Variants in SPAG1 observed in about 807,000 individuals in gnomAD.
SPAG1 encodes the protein sperm-associated antigen 1.
A neutral mutation model predicts 100.5 loss-of-function variants in SPAG1; 69 were observed. The ratio of observed to expected loss-of-function variants is 0.69; its 90% CI spans 0.57 to 0.84. The LOEUF (loss-of-function observed/expected upper bound fraction) is 0.84, where lower values mean the gene tolerates loss of function less well. SPAG1 is among the 40% of genes least tolerant of loss of function. The pLI is 0.00. For missense variants in SPAG1, 955 were observed against 1,133.1 expected, an observed-to-expected ratio of 0.84 and a Z score of 2.26; for synonymous variants, 336 against 411.6, an observed-to-expected ratio of 0.82 and a Z score of 2.22.
At chr8:100,182,366 G>C (rs1348292462) in intron 4 of SPAG1, among the ~76,000 whole-genome samples, 1 of 152,200 alleles carries the variant, frequency 6.6e-6, no homozygotes, top group Non-Finnish European at 1.5e-5. Context: ...GTCCTTCCTT[G>C]GAATTTCTCT....
In SPAG1 at chr8:100,235,258, G is replaced by A. The variant is rs138567491; in HGVS notation, c.2115+1721G>A. On this transcript the variant is annotated intron_variant, in intron 16 of 18. Transcript: ENST00000388798. The stretch of plus-strand genomic sequence containing the variant: ...GACACAGTCATCTTGGACTAGGTAG[G>A]GCCTACTGATTTTAACTTGATTACC... 1.9e-3 allele frequency among the ~76,000 whole-genome samples: 289 copies of A among 152,118 alleles called. 1 individual carries two copies. Among genetic ancestry groups the A allele is most frequent in the African/African-American group, 6.7e-3 (279 of 41,490 alleles).
At chr8:100,170,895 G>A (rs1189510219) in intron 3 of SPAG1, among the ~76,000 whole-genome samples, 1 of 151,672 alleles carries the variant, frequency 6.6e-6, no homozygotes, top group Non-Finnish European at 1.5e-5. Context: ...CAGTTCAGCA[G>A]AAGTGGTAAG....
intron 10 of SPAG1, among the ~76,000 whole-genome samples, chr8:100,204,267 A>G (rs140273125): frequency 3.5e-3 from 527 of 152,302 alleles, no homozygotes; most frequent in Middle Eastern, 6.8e-3. Flanking sequence ...AAGTCCTGCC[A>G]GGGACCTCTG....
chr8:100,172,720 C>T (rs868536908), intron 3 of SPAG1, among the ~76,000 whole-genome samples: 9 of 151,564 alleles, frequency 5.9e-5, no homozygotes, highest in African/African-American at 1.5e-4. Flanking sequence ...ATATATACCT[C>T]GCAGATGCTA....
chr8:100,234,322 G>A (rs1460610006), intron 16 of SPAG1, among the ~76,000 whole-genome samples: 1 of 151,604 alleles, frequency 6.6e-6, no homozygotes, highest in East Asian at 1.9e-4. Flanking sequence ...TATCCCAATC[G>A]AGATAAAGAA....
chr8:100,187,067 AT>A (rs956018834), intron 7 of SPAG1, 52 bp from the exon 8 acceptor site: 2 of 1,551,280 alleles, frequency 1.3e-6, no homozygotes, highest in Admixed American at 2.0e-5. Flanking sequence ...ATTTCTCTAC[AT>A]TCTTATGTTT....
At chr8:100,208,431 G>A (rs1024116669) in intron 10 of SPAG1, among the ~76,000 whole-genome samples, 5 of 152,172 alleles carry the variant, frequency 3.3e-5, no homozygotes, top group Non-Finnish European at 5.9e-5. Flanking sequence ...ACCCAGCCAG[G>A]ACTACAAATG....
In SPAG1 at chr8:100,241,202, G is replaced by A. The variant is rs1487919846; in HGVS notation, c.*180G>A. 1 of 441,264 alleles carries A rather than the reference G, an allele frequency of 2.3e-6. No homozygotes were observed. The allele number at this position is 441,264 out of a possible 1,614,324, so 27.3% of individuals were successfully genotyped here. A position where few individuals can be genotyped will look rare whatever the true frequency, so the allele number is the denominator to read the frequency against. On this transcript the variant is annotated 3_prime_UTR_variant, in exon 19 of 19. Coordinates refer to ENST00000388798, the MANE Select transcript of SPAG1 (RefSeq NM_003114.5). This position sits in a 1 kb window ranked among gnomAD's most constrained non-coding sequence, Gnocchi z 5.1. ...ATATTCTACAATCTGCTTTTTATTA[G>A]TTGTAAATATTTTCTTATGTACCAG...
chr8:100,215,680 A>G (rs1304789272), intron 12 of SPAG1, among the ~76,000 whole-genome samples: 1 of 152,120 alleles, frequency 6.6e-6, no homozygotes, highest in Non-Finnish European at 1.5e-5. Flanking sequence ...GCCCGCCACC[A>G]TGCCCGGCTA....
intron 10 of SPAG1, among the ~76,000 whole-genome samples, chr8:100,201,064 A>T (rs1485896865): frequency 6.6e-6 from 1 of 151,914 alleles, no homozygotes; most frequent in African/African-American, 2.4e-5. Context: ...CCATTGTCAA[A>T]TCCAAGGTTT....
Position 100,213,179 on chromosome 8 carries a change from G to C in SPAG1, c.1186G>C (p.Gly396Arg), listed in dbSNP as rs1207375473. ...GAAGCTGACTGGCAAAGCCGAAGGC[G>C]GCAAGCGGCCGGCAAGGGGCGCGCC... ...QKKLTGKAEG[G>R]KRPARGAPQR... is the part of the protein sequence containing the mutation. The change falls in exon 11 of 19, where the codon GGC becomes CGC. Residue 396 changes from glycine to arginine, a missense_variant. Gly to Arg is a moderately radical substitution (Grantham distance 125). Coordinates refer to ENST00000388798, the MANE Select transcript of SPAG1 (RefSeq NM_003114.5). 4 of 1,472,208 alleles carry C rather than the reference G, an allele frequency of 2.7e-6. No individual in the cohort carries two copies. Among genetic ancestry groups the C allele is most frequent in the Non-Finnish European group, 3.6e-6 (4 of 1,117,826 alleles). 91.2% of individuals were successfully genotyped at this position (1,472,208 alleles called of 1,614,324 possible).
rs934225651 is a variant in SPAG1, at chr8:100,198,177, A to G, written c.1096+3909A>G. Among the ~76,000 whole-genome samples, 5 of 152,144 alleles carry G rather than the reference A, an allele frequency of 3.3e-5. No individual in the cohort carries two copies. The South Asian group carries it at 6.2e-4, about 19-fold the overall frequency. ...AATGAAAGCTAAGAAAATTAAAGTC[A>G]CTCACAAACAGAAGAATAAATATAG... On this transcript the variant is annotated intron_variant, in intron 10 of 18. Coordinates refer to ENST00000388798, the MANE Select transcript of SPAG1 (RefSeq NM_003114.5).
chr8:100,224,075 C>T (rs527492896), intron 13 of SPAG1, among the ~76,000 whole-genome samples: 8 of 152,158 alleles, frequency 5.3e-5, no homozygotes, highest in East Asian at 3.9e-4. Flanking sequence ...GTTCAAAAGA[C>T]GTAATTTTTA....
intron 10 of SPAG1, among the ~76,000 whole-genome samples, chr8:100,207,061 C>T (rs1817543586): frequency 6.6e-6 from 1 of 152,220 alleles, no homozygotes; most frequent in East Asian, 1.9e-4. Context: ...CAGATAACTG[C>T]TTTCCTCTTG....
At position 100,213,833 on chromosome 8, in the gene SPAG1, G is replaced by C; in HGVS notation, c.1450G>C (p.Asp484His). The change falls in exon 12 of 19, where the codon GAT becomes CAT. Residue 484 changes from aspartate to histidine, a missense_variant. Coordinates refer to ENST00000388798, the MANE Select transcript of SPAG1 (RefSeq NM_003114.5). Reference sequence around the variant, plus strand: ...GTGATTTTTAGGAAGTGAAATTGCAGATGATCTAAGTATCTTATATTCAAA... The same window carrying C: ...GTGATTTTTAGGAAGTGAAATTGCACATGATCTAAGTATCTTATATTCAAA... ...LLEPAGSEIA[D>H]DLSILYSNRA... is the part of the protein sequence containing the mutation. 6.3e-7 allele frequency: 1 copy of C among 1,581,394 alleles called. No homozygotes were observed. The highest frequency in any genetic ancestry group is 1.7e-5 in the Admixed American group (1 of 58,398).
chr8:100,168,505 C>T lies in SPAG1; in HGVS notation c.300+2532C>T, dbSNP rs556256566. On this transcript the variant is annotated intron_variant, in intron 3 of 18. Transcript: ENST00000388798. The stretch of plus-strand genomic sequence containing the variant: ...ACCTCCCAGACTCAAGCGATGCTCC[C>T]ACTTCAGCCTTCAGAGTAGCTGGGA... 2.7e-5 allele frequency among the ~76,000 whole-genome samples: 4 copies of T among 150,128 alleles called. No homozygotes were observed. In the East Asian group the frequency reaches 7.9e-4, roughly 30 times the overall value.
At chr8:100,178,056 G>A in intron 4 of SPAG1, 115 bp downstream of exon 4, 1 of 730,702 alleles carries the variant, frequency 1.4e-6, no homozygotes, top group Non-Finnish European at 2.1e-6. Flanking sequence ...TAGGAGAATT[G>A]GGGAGTTTGT....
intron 10 of SPAG1, among the ~76,000 whole-genome samples, chr8:100,196,953 G>A (rs1004247789): frequency 6.6e-6 from 1 of 151,278 alleles, no homozygotes; most frequent in African/African-American, 2.4e-5. Context: ...ATGGAGTCTC[G>A]CCATTTCGCC....
chr8:100,195,097 G>A lies in SPAG1; in HGVS notation c.1096+829G>A, dbSNP rs189849461. On this transcript the variant is annotated intron_variant, in intron 10 of 18. Coordinates refer to ENST00000388798, the MANE Select transcript of SPAG1 (RefSeq NM_003114.5). ...GGAGAGTGGCTTAAACCCGGGAGGC[G>A]GAGGTTGTGGTGAGCCAAGATGGTG... 1.4e-3 allele frequency among the ~76,000 whole-genome samples: 218 copies of A among 151,730 alleles called. 1 individual carries two copies. Among genetic ancestry groups the A allele is most frequent in the African/African-American group, 4.9e-3 (203 of 41,386 alleles).
Sources: gnomAD v4.1 joint callset for allele counts (sites outside exome capture counted in the v4.1 genomes callset) on GRCh38, gnomAD v4.1.1 for gene constraint, Gnocchi (gnomAD v3.1) non-coding constraint, MANE v1.5 for transcripts, NCBI Gene and HGNC (gene_info 2026-07-23, HGNC 2026-07-21) for gene names.